SCAF8: variants seen among roughly 807,000 people sequenced by gnomAD.
SCAF8 encodes the protein SR-related CTD associated factor 8.
In SCAF8, 23 loss-of-function variants were observed where a neutral mutation model predicts 140.5. The observed-to-expected ratio is 0.16, with a 90% CI of 0.12 to 0.23. The LOEUF is 0.23. SCAF8 is among the 10% of genes least tolerant of loss of function. SCAF8 has a pLI of 1.00. For synonymous variants in SCAF8, 575 were observed against 528.9 expected (o/e 1.09, Z -1.20); for missense variants, 1,397 against 1,555.7 (o/e 0.90, Z 1.72).
chr6:154,794,773 T>A (rs985320445), intron 5 of SCAF8, among the ~76,000 whole-genome samples: 1 of 6,674 alleles, frequency 1.5e-4, no homozygotes, highest in Non-Finnish European at 2.6e-4. Flanking sequence ...GGGGGGGGGG[T>A]GTGGGGGGTG....
chr6:154,811,092 A>G (rs139625977), intron 12 of SCAF8, among the ~76,000 whole-genome samples: 2 of 152,326 alleles, frequency 1.3e-5, no homozygotes, highest in African/African-American at 4.8e-5. Flanking sequence ...GCTATCTTGC[A>G]TGAATTTTAC....
At chr6:154,794,780 GGTGTGTGTGTGTGTGTGTGTGTGTGTGT>G (rs1183671310) in intron 5 of SCAF8, among the ~76,000 whole-genome samples, 16 of 12,536 alleles carry the variant, frequency 1.3e-3, no homozygotes, top group Non-Finnish European at 1.1e-3. Context: ...GGGTGTGGGG[GGTGTGTGTGTGTGTGTGTGTGTGTGTGT>G]GTGTGTGTGT....
chr6:154,801,001 G>T (rs1419594610), intron 6 of SCAF8, among the ~76,000 whole-genome samples: 1 of 151,458 alleles, frequency 6.6e-6, no homozygotes, highest in Non-Finnish European at 1.5e-5. Context: ...AGTCAGAGTA[G>T]AGGAAGAAAA....
At chr6:154,750,664 T>A (rs1431088965) in intron 1 of SCAF8, among the ~76,000 whole-genome samples, 1 of 152,236 alleles carries the variant, frequency 6.6e-6, no homozygotes, top group East Asian at 1.9e-4. Context: ...TAGAATTTCT[T>A]ATCATTAAGC....
rs1777464775 is a variant in SCAF8 at position 154,792,872 on chromosome 6, A to G, written c.371A>G (p.Lys124Arg). The G allele has an allele frequency of 6.2e-7, 1 of 1,612,172 alleles. No individual in the cohort carries two copies. The highest frequency in any genetic ancestry group is 1.6e-4 in the Middle Eastern group (1 of 6,062). ...TTATGGCAGAAGAATAATGTATTTA[A>G]GAGTGAGATTATTCAGCCCCTTTTG... ...LNLWQKNNVFKSEIIQPLLDM... is the reference protein window; with the variant it reads ...LNLWQKNNVFRSEIIQPLLDM... Residue 124 changes from lysine (K) to arginine (R), a missense_variant, in exon 5 of 20, where the codon AAG becomes AGG. Physicochemically the swap from Lys to Arg is conservative, Grantham distance 26. Around this residue, in one of 5 missense-constraint regions of SCAF8, gnomAD observed 43 missense variants for 142.1 expected, o/e 0.30. Transcript: ENST00000367178.
intron 1 of SCAF8, among the ~76,000 whole-genome samples, chr6:154,740,893 A>G (rs1386765156): frequency 6.6e-6 from 1 of 152,170 alleles, no homozygotes; most frequent in East Asian, 1.9e-4. Flanking sequence ...TGCTGGAATT[A>G]TAGGCATGTG....
chr6:154,753,911 C>T (rs1778902104), intron 1 of SCAF8, among the ~76,000 whole-genome samples: 1 of 152,182 alleles, frequency 6.6e-6, no homozygotes, highest in African/African-American at 2.4e-5. Flanking sequence ...GATCATAGCT[C>T]ACCGTAGCCT....
At chr6:154,819,542 G>A (rs1311757373) in intron 14 of SCAF8, among the ~76,000 whole-genome samples, 1 of 152,202 alleles carries the variant, frequency 6.6e-6, no homozygotes, top group African/African-American at 2.4e-5. Context: ...AGTGAGCCAT[G>A]ATCATGCTAC....
intron 3 of SCAF8, among the ~76,000 whole-genome samples, chr6:154,782,451 G>A (rs1399976545): frequency 6.6e-6 from 1 of 151,512 alleles, no homozygotes; most frequent in South Asian, 2.1e-4. Context: ...CAGAAAAAAT[G>A]GGGGCGGCAG....
chr6:154,815,872 C>T, intron 13 of SCAF8, 56 bp downstream of exon 13: 1 of 989,830 alleles, frequency 1.0e-6, no homozygotes, highest in Non-Finnish European at 1.6e-6. Context: ...TTTATTAATA[C>T]AAAGAATCAC....
chr6:154,827,903 A>G (rs1372806053), intron 18 of SCAF8, among the ~76,000 whole-genome samples: 13 of 151,942 alleles, frequency 8.6e-5, no homozygotes, highest in Admixed American at 7.9e-4. Context: ...AATGGAGCCA[A>G]AAGTACAGAG....
Position 154,824,339 on chromosome 6 carries a change from T to C in SCAF8, c.2032T>C (p.Phe678Leu). The change falls in exon 17 of 20, where the codon TTT (phenylalanine) becomes CTT (leucine). Residue 678 changes from phenylalanine to leucine, a missense_variant. By Grantham distance (22) the Phe-to-Leu change is conservative. Around this residue, in one of 5 missense-constraint regions of SCAF8, gnomAD observed 930 missense variants for 874.6 expected, o/e 1.06. Coordinates refer to ENST00000367178, the MANE Select transcript of SCAF8 (RefSeq NM_014892.5). ...PGFSPIPPPP[F>L]LRASFNPSQP... ...ATTCAGTCCAATCCCTCCACCTCCT[T>C]TTTTAAGAGCAAGTTTTAACCCTTC... The C allele has an allele frequency of 6.2e-7, 1 of 1,613,984 alleles. No homozygotes were observed. The highest frequency in any genetic ancestry group is 8.5e-7 in the Non-Finnish European group (1 of 1,179,858).
intron 1 of SCAF8, among the ~76,000 whole-genome samples, chr6:154,759,417 T>C (rs2114821253): frequency 6.6e-6 from 1 of 152,298 alleles, no homozygotes; most frequent in South Asian, 2.1e-4. Context: ...AAAATAGATC[T>C]CTTCTTTTTT....
intron 14 of SCAF8, 106 bp from the exon 15 acceptor site, chr6:154,820,071 C>A: frequency 2.3e-6 from 2 of 857,706 alleles, no homozygotes. Context: ...TTTCTAAAAC[C>A]AATTTTAATG....
chr6:154,769,287 A>G lies in SCAF8; in HGVS notation c.31-4702A>G, dbSNP rs552105557. 2.6e-5 allele frequency among the ~76,000 whole-genome samples: 4 copies of G among 152,334 alleles called. No individual in the cohort carries two copies. In the South Asian group the frequency reaches 8.3e-4, roughly 32 times the overall value. On this transcript the variant is annotated intron_variant, in intron 1 of 19. Transcript: ENST00000367178. ...TGAAAATGCTTTAGAAGTCTAAATT[A>G]TATTTTTTGCTCCGTCCCATCTTCC...
At chr6:154,750,424 G>A (rs1778810491) in intron 1 of SCAF8, among the ~76,000 whole-genome samples, 1 of 152,094 alleles carries the variant, frequency 6.6e-6, no homozygotes, top group South Asian at 2.1e-4. Context: ...GGAAGATCTT[G>A]TAGAATCTTT....
At chr6:154,749,596 G>T (rs1384126401) in intron 1 of SCAF8, among the ~76,000 whole-genome samples, 1 of 152,188 alleles carries the variant, frequency 6.6e-6, no homozygotes, top group Non-Finnish European at 1.5e-5. Context: ...ACACTGTGAT[G>T]TATACAGTAG....
chr6:154,784,393 T>G (rs556930321), intron 3 of SCAF8, among the ~76,000 whole-genome samples: 328 of 152,190 alleles, frequency 2.2e-3, no homozygotes, highest in African/African-American at 7.5e-3. Flanking sequence ...ACATTTCAAA[T>G]ATATCTTAAG....
chr6:154,766,061 TTAAAG>T (rs150843393), intron 1 of SCAF8, among the ~76,000 whole-genome samples: 14,966 of 149,596 alleles, frequency 0.1, 975 homozygotes, highest in East Asian at 0.27. Context: ...TACTGTATTC[TTAAAG>T]TAAGAGAAAA....
Sources: gnomAD v4.1 joint callset for allele counts (sites outside exome capture counted in the v4.1 genomes callset) on GRCh38, gnomAD v4.1.1 for gene constraint, gnomAD v4.1.1 regional missense constraint, MANE v1.5 for transcripts, NCBI Gene and HGNC (gene_info 2026-07-23, HGNC 2026-07-21) for gene names.